The following CMAS variants were observed in gnomAD, a reference collection of about 807,000 sequenced individuals.
CMAS encodes the protein cytidine monophosphate N-acetylneuraminic acid synthetase, also known as N-acylneuraminate cytidylyltransferase.
In CMAS, 21 loss-of-function variants were observed where a neutral mutation model predicts 53.4. The ratio of observed to expected loss-of-function variants is 0.39; its 90% CI spans 0.28 to 0.57. CMAS has a LOEUF of 0.57. Among genes scored for constraint, CMAS ranks in the 20% least tolerant of loss-of-function variants. The probability of loss-of-function intolerance (pLI) is 0.56; values close to 1 mark genes in which losing one functional copy is unlikely to be tolerated. For synonymous variants in CMAS, 189 were observed against 195.2 expected, an observed-to-expected ratio of 0.97 and a Z score of 0.27; for missense variants, 384 against 534.9, an observed-to-expected ratio of 0.72 and a Z score of 2.78.
At chr12:22,060,691 T>TTTTA (rs1950303677) in intron 4 of CMAS, 141 bp from the exon 5 acceptor site, 2 of 550,970 alleles carry the variant, frequency 3.6e-6, no homozygotes, top group East Asian at 6.1e-5. Flanking sequence ...TAAAAATCAT[T>TTTTA]TTTATGTGAC....
intron 1 of CMAS, among the ~76,000 whole-genome samples, chr12:22,054,834 A>G (rs1286750025): frequency 6.6e-6 from 1 of 152,018 alleles, no homozygotes. Flanking sequence ...TCAGGTAGTA[A>G]GCATAGTACC....
chr12:22,065,337 A>G lies in CMAS; in HGVS notation c.*26A>G. On this transcript the variant is annotated 3_prime_UTR_variant, in exon 8 of 8. Transcript: ENST00000229329. The stretch of plus-strand genomic sequence containing the variant: ...AAATTAGCGTAATATTGAGAAAAAA[A>G]TGATACAGCCTTCTTCAGCCAGTTT... 1 of 1,564,374 alleles carries G rather than the reference A, an allele frequency of 6.4e-7. No individual in the cohort carries two copies. The highest frequency in any genetic ancestry group is 1.1e-5 in the South Asian group (1 of 89,196).
intron 6 of CMAS, among the ~76,000 whole-genome samples, 183 bp from the exon 7 acceptor site, chr12:22,062,098 G>C (rs183194004): frequency 4.3e-4 from 65 of 152,200 alleles, no homozygotes; most frequent in Middle Eastern, 6.8e-3. Context: ...AATGAGCTTT[G>C]TTTTAAAGCA....
Position 22,053,019 on chromosome 12 carries a change from C to G in CMAS, c.261-2130C>G, listed in dbSNP as rs374791064. On this transcript the variant is annotated intron_variant, in intron 1 of 7. Coordinates refer to ENST00000229329, the MANE Select transcript of CMAS (RefSeq NM_018686.6). ...TAGACAAACATGCAGTTCAGCCGAG[C>G]GTGGTGGCTTACACCTGTAATCCTA... Among the ~76,000 whole-genome samples the G allele has an allele frequency of 2.6e-5, 4 of 152,224 alleles. No homozygotes were observed. In the South Asian group the frequency reaches 8.3e-4, roughly 32 times the overall value.
chr12:22,048,168 TAG>T, intron 1 of CMAS, among the ~76,000 whole-genome samples: 1 of 152,338 alleles, frequency 6.6e-6, no homozygotes, highest in East Asian at 1.9e-4. Context: ...GTAGTAGCAG[TAG>T]AGACAGCCCT....
At chr12:22,055,727 C>T in intron 3 of CMAS, 117 bp downstream of exon 3, 3 of 823,338 alleles carry the variant, frequency 3.6e-6, no homozygotes, top group Non-Finnish European at 5.7e-6. Context: ...GAGTATTTGA[C>T]TCATTACTTT....
intron 3 of CMAS, among the ~76,000 whole-genome samples, chr12:22,056,638 C>G (rs1950270131): frequency 6.6e-6 from 1 of 152,154 alleles, no homozygotes; most frequent in Non-Finnish European, 1.5e-5. Context: ...CCCTGCTTTC[C>G]AGCCCATTCC....
At chr12:22,057,596 CAAT>C (rs1445140596) in intron 3 of CMAS, among the ~76,000 whole-genome samples, 4 of 151,890 alleles carry the variant, frequency 2.6e-5, no homozygotes, top group Admixed American at 2.6e-4. Flanking sequence ...TATATGCAAA[CAAT>C]GAGAACTAGA....
At chr12:22,064,498 T>TA (rs1950331833) in intron 7 of CMAS, among the ~76,000 whole-genome samples, 1 of 152,100 alleles carries the variant, frequency 6.6e-6, no homozygotes, top group South Asian at 2.1e-4. Context: ...ATAAGTCAGC[T>TA]ATAAAAGGAC....
At chr12:22,052,749 G>T (rs117548459) in intron 1 of CMAS, among the ~76,000 whole-genome samples, 1 of 152,098 alleles carries the variant, frequency 6.6e-6, no homozygotes, top group Non-Finnish European at 1.5e-5. Flanking sequence ...GAGGAAAATG[G>T]GGGCTCCTGC....
chr12:22,049,403 A>C (rs1950225996), intron 1 of CMAS, among the ~76,000 whole-genome samples: 1 of 152,198 alleles, frequency 6.6e-6, no homozygotes, highest in Non-Finnish European at 1.5e-5. Flanking sequence ...AAATGATTGG[A>C]AAATATGTAT....
At chr12:22,052,986 A>C (rs1376927637) in intron 1 of CMAS, among the ~76,000 whole-genome samples, 1 of 152,192 alleles carries the variant, frequency 6.6e-6, no homozygotes, top group African/African-American at 2.4e-5. Flanking sequence ...ACTCATGATA[A>C]TTGAGCATAG....
At chr12:22,064,364 A>G (rs1950330688) in intron 7 of CMAS, among the ~76,000 whole-genome samples, 1 of 152,068 alleles carries the variant, frequency 6.6e-6, no homozygotes, top group South Asian at 2.1e-4. Flanking sequence ...AAAAATGGTA[A>G]TTTTTCAGCA....
chr12:22,060,082 G>C (rs551888686), intron 4 of CMAS, among the ~76,000 whole-genome samples: 19 of 151,958 alleles, frequency 1.3e-4, no homozygotes, highest in Middle Eastern at 3.4e-3. Flanking sequence ...TTGCCTGTTA[G>C]TTGCAAATTA....
intron 5 of CMAS, 44 bp downstream of exon 5, chr12:22,060,970 T>C (rs1158502463): frequency 1.7e-6 from 2 of 1,149,612 alleles, no homozygotes. Flanking sequence ...TAAATCTTAA[T>C]AATTATATTT....
chr12:22,064,273 T>G (rs760564950), intron 7 of CMAS, among the ~76,000 whole-genome samples: 121 of 152,234 alleles, frequency 7.9e-4, no homozygotes, highest in Non-Finnish European at 1.4e-3. Context: ...AAATGCATCC[T>G]ATTCCAAAAA....
At chr12:22,063,944 T>A (rs866507973) in intron 7 of CMAS, 9 of 148,900 alleles carry the variant, frequency 6.0e-5, no homozygotes, top group Admixed American at 1.3e-4. Context: ...AAAAAAAAAA[T>A]AATAACTCAC....
intron 3 of CMAS, among the ~76,000 whole-genome samples, chr12:22,056,420 T>C (rs577429536): frequency 2.0e-5 from 3 of 152,346 alleles, no homozygotes; most frequent in South Asian, 4.1e-4. Flanking sequence ...GTACACCTTT[T>C]CTTCTATCAG....
chr12:22,058,750 C>G lies in CMAS; in HGVS notation c.693+50C>G, dbSNP rs116361030. The G allele has an allele frequency of 2.6e-3, 4,036 of 1,580,338 alleles. 36 individuals carry two copies. The African/African-American group carries it at 0.033, about 13-fold the overall frequency. Reference sequence around the variant, plus strand: ...CCTTTTAAGCGCTTTTGTAGGCATACTTTGAGTTCTAGGGAAGAAGTATGG... The same window carrying G: ...CCTTTTAAGCGCTTTTGTAGGCATAGTTTGAGTTCTAGGGAAGAAGTATGG... On this transcript the variant is annotated intron_variant, in intron 4 of 7. Coordinates refer to ENST00000229329, the MANE Select transcript of CMAS (RefSeq NM_018686.6).
Sources: allele counts gnomAD v4.1 joint callset (sites outside exome capture counted in the v4.1 genomes callset), GRCh38; gene constraint gnomAD v4.1.1; transcripts MANE v1.5; gene names NCBI Gene and HGNC (gene_info 2026-07-23, HGNC 2026-07-21).